PHLDB2: variants seen among roughly 807,000 people sequenced by gnomAD.
PHLDB2 encodes pleckstrin homology-like domain family B member 2.
Under a neutral mutation model 123.6 loss-of-function variants are expected in PHLDB2, and 71 were observed. The observed-to-expected ratio is 0.57, with a 90% CI of 0.47 to 0.70. The LOEUF is 0.70. Ranked by LOEUF, PHLDB2 falls within the 30% of genes least tolerant of loss-of-function variation. The pLI is 0.00. For synonymous variants in PHLDB2, 547 were observed against 541.6 expected, an observed-to-expected ratio of 1.01 and a Z score of -0.14; for missense variants, 1,446 against 1,519.5, an observed-to-expected ratio of 0.95 and a Z score of 0.80.
At chr3:111,806,489 T>A (rs1384184262) in intron 1 of PHLDB2, among the ~76,000 whole-genome samples, 1 of 151,866 alleles carries the variant, frequency 6.6e-6, no homozygotes. Context: ...TCTTCTTTTT[T>A]TTTTCTTTTT....
chr3:111,737,014 A>C (rs1271910329), intron 1 of PHLDB2, among the ~76,000 whole-genome samples: 1 of 152,214 alleles, frequency 6.6e-6, no homozygotes, highest in Non-Finnish European at 1.5e-5. Flanking sequence ...AATCAGATGG[A>C]TGTCTCATGA....
chr3:111,749,085 C>A (rs1268467927), intron 1 of PHLDB2, among the ~76,000 whole-genome samples: 1 of 145,450 alleles, frequency 6.9e-6, no homozygotes. Flanking sequence ...AAAAATCCTT[C>A]CAGAACAAGA....
intron 1 of PHLDB2, 158 bp downstream of exon 1, chr3:111,859,734 G>A (rs2064705697): frequency 1.0e-6 from 1 of 985,432 alleles, no homozygotes; most frequent in Non-Finnish European, 1.2e-6. Flanking sequence ...GGCTGCCCGG[G>A]CCGAGGAGGG....
intron 1 of PHLDB2, among the ~76,000 whole-genome samples, chr3:111,860,355 A>ACC (rs147473583): frequency 1.3e-5 from 2 of 151,832 alleles, no homozygotes; most frequent in African/African-American, 4.8e-5. Context: ...TTGGCCTTTG[A>ACC]CCCCCCACTG....
At chr3:111,750,650 T>C (rs1559811082) in intron 1 of PHLDB2, among the ~76,000 whole-genome samples, 1 of 151,916 alleles carries the variant, frequency 6.6e-6, no homozygotes, top group Non-Finnish European at 1.5e-5. Flanking sequence ...AATCTAAAAA[T>C]AAAATTCCCC....
chr3:111,967,907 T>C, intron 15 of PHLDB2, 83 bp downstream of exon 15: 1 of 1,312,818 alleles, frequency 7.6e-7, no homozygotes, highest in Non-Finnish European at 1.0e-6. Context: ...TGTCTGAGGA[T>C]GCTTTCCTGG....
chr3:111,848,854 T>G (rs939941350), intron 2 of PHLDB2, among the ~76,000 whole-genome samples: 1 of 152,226 alleles, frequency 6.6e-6, no homozygotes, highest in African/African-American at 2.4e-5. Context: ...TTCAGTACAG[T>G]AGCGTGCTAT....
intron 1 of PHLDB2, among the ~76,000 whole-genome samples, chr3:111,872,268 G>A (rs879354994): frequency 1.3e-5 from 2 of 152,130 alleles, no homozygotes; most frequent in African/African-American, 4.8e-5. Context: ...GGATCATATA[G>A]TTTCACTGGG....
intron 12 of PHLDB2, chr3:111,957,136 AGTT>A: frequency 6.5e-6 from 1 of 152,800 alleles, no homozygotes; most frequent in East Asian, 1.9e-4. Flanking sequence ...CAGCTTCTGA[AGTT>A]GGAATGGTTA....
intron 1 of PHLDB2, among the ~76,000 whole-genome samples, chr3:111,834,203 A>ATATATATTATATATGT (rs1559858160): frequency 2.3e-5 from 1 of 44,274 alleles, no homozygotes; most frequent in East Asian, 6.9e-4. Flanking sequence ...TAATAGAATT[A>ATATATATTATATATGT]TATATGTAAT....
intron 1 of PHLDB2, among the ~76,000 whole-genome samples, chr3:111,878,939 C>A (rs530988132): frequency 1.3e-5 from 2 of 152,316 alleles, no homozygotes; most frequent in Admixed American, 1.3e-4. Flanking sequence ...TGATGTGCTG[C>A]TGGATTCGGT....
intron 1 of PHLDB2, among the ~76,000 whole-genome samples, chr3:111,737,184 G>A (rs1382614224): frequency 2.6e-5 from 4 of 152,112 alleles, no homozygotes; most frequent in Non-Finnish European, 4.4e-5. Context: ...TGAAGGGTCC[G>A]GGAGCCCTGC....
intron 1 of PHLDB2, among the ~76,000 whole-genome samples, chr3:111,824,948 T>G (rs1353079773): frequency 6.6e-6 from 1 of 152,212 alleles, no homozygotes; most frequent in Non-Finnish European, 1.5e-5. Flanking sequence ...TATATCCACT[T>G]GTAGACCCTT....
At chr3:111,814,588 G>T (rs563458117) in intron 1 of PHLDB2, among the ~76,000 whole-genome samples, 8 of 151,074 alleles carry the variant, frequency 5.3e-5, no homozygotes, top group Non-Finnish European at 1.0e-4. Flanking sequence ...CATGGTTCAT[G>T]TAGTGTTATT....
At chr3:111,760,335 C>G (rs1453130326) in intron 1 of PHLDB2, among the ~76,000 whole-genome samples, 2 of 152,168 alleles carry the variant, frequency 1.3e-5, no homozygotes, top group Non-Finnish European at 2.9e-5. Flanking sequence ...AAAGATCCCT[C>G]AAACCAAAAC....
At chr3:111,860,509 T>A (rs1054568433) in intron 1 of PHLDB2, among the ~76,000 whole-genome samples, 1 of 152,200 alleles carries the variant, frequency 6.6e-6, no homozygotes, top group Non-Finnish European at 1.5e-5. Flanking sequence ...AACTTAGCCC[T>A]AGCAGTCATC....
At chr3:111,818,494 T>C (rs926609874) in intron 1 of PHLDB2, among the ~76,000 whole-genome samples, 1 of 152,166 alleles carries the variant, frequency 6.6e-6, no homozygotes, top group South Asian at 2.1e-4. Context: ...CTCTAGGAAC[T>C]GACTTTTTTC....
intron 2 of PHLDB2, 191 bp downstream of exon 2, chr3:111,885,603 A>G (rs2066121774): frequency 1.3e-6 from 1 of 777,696 alleles, no homozygotes; most frequent in Non-Finnish European, 2.2e-6. Flanking sequence ...TTGTTTGGCT[A>G]TCTTGAAGGC....
At position 111,776,681 on chromosome 3, in the gene PHLDB2, C is replaced by A. The variant is rs144642810; in HGVS notation, c.-49+43978C>A. 4.0e-3 allele frequency among the ~76,000 whole-genome samples: 615 copies of A among 152,216 alleles called. 1 individual carries two copies. The highest frequency in any genetic ancestry group is 6.8e-3 in the Middle Eastern group (2 of 294). On this transcript the variant is annotated intron_variant, in intron 1 of 17. Transcript: ENST00000393923. ...AAGAATCTAGGCCTGCATAAGAGTGCCAAGGAGTTACAGTTCCCCCTTGAT... is the reference window on the plus strand; with the variant it reads ...AAGAATCTAGGCCTGCATAAGAGTGACAAGGAGTTACAGTTCCCCCTTGAT...
Sources: gnomAD v4.1 joint callset for allele counts (sites outside exome capture counted in the v4.1 genomes callset) on GRCh38, gnomAD v4.1.1 for gene constraint, MANE v1.5 for transcripts, NCBI Gene and HGNC (gene_info 2026-07-23, HGNC 2026-07-21) for gene names.